The following RHOBTB1 variants were observed in gnomAD, a reference collection of about 807,000 sequenced individuals.
RHOBTB1 encodes the protein Rho related BTB domain containing 1, also known as rho-related BTB domain-containing protein 1.
Under a neutral mutation model 71.6 loss-of-function variants are expected in RHOBTB1, and 40 were observed. The observed-to-expected ratio is 0.56, with a 90% CI of 0.43 to 0.73. The LOEUF (loss-of-function observed/expected upper bound fraction) is 0.73, where lower values mean the gene tolerates loss of function less well. Ranked by LOEUF, RHOBTB1 falls within the 30% of genes least tolerant of loss-of-function variation. The pLI is 0.00. For synonymous variants in RHOBTB1, 319 were observed against 334.9 expected (o/e 0.95, Z 0.52); for missense variants, 797 against 894.0 (o/e 0.89, Z 1.38).
intron 2 of RHOBTB1, among the ~76,000 whole-genome samples, chr10:60,955,441 T>C (rs145734985): frequency 9.2e-5 from 14 of 152,286 alleles, no homozygotes; most frequent in African/African-American, 2.4e-4. Context: ...AAAAAAATGC[T>C]GTACAGACAT....
intron 4 of RHOBTB1, among the ~76,000 whole-genome samples, chr10:60,903,141 G>A (rs2082490382): frequency 6.6e-6 from 1 of 152,186 alleles, no homozygotes; most frequent in Admixed American, 6.5e-5. Flanking sequence ...AATTCTAGGA[G>A]TACGTGACAC....
At chr10:60,885,886 C>T (rs2081543901) in intron 7 of RHOBTB1, among the ~76,000 whole-genome samples, 1 of 152,096 alleles carries the variant, frequency 6.6e-6, no homozygotes, top group Non-Finnish European at 1.5e-5. Context: ...CACCAGTGAC[C>T]AATAAACAAT....
chr10:60,915,244 G>T (rs2083208655), intron 2 of RHOBTB1, among the ~76,000 whole-genome samples: 1 of 152,060 alleles, frequency 6.6e-6, no homozygotes, highest in African/African-American at 2.4e-5. Flanking sequence ...TTCATATCTA[G>T]CATTCTGATG....
intron 2 of RHOBTB1, among the ~76,000 whole-genome samples, chr10:60,957,184 G>A (rs367801922): frequency 1.1e-4 from 17 of 152,122 alleles, no homozygotes; most frequent in Admixed American, 3.3e-4. Flanking sequence ...ACAGGAGTAC[G>A]TTCTAAAATA....
intron 2 of RHOBTB1, among the ~76,000 whole-genome samples, chr10:60,963,170 A>G (rs2085843925): frequency 6.6e-6 from 1 of 152,152 alleles, no homozygotes; most frequent in African/African-American, 2.4e-5. Context: ...GAATGTTCTC[A>G]AAGCCACTCA....
At chr10:60,922,373 C>T (rs1030790153) in intron 2 of RHOBTB1, among the ~76,000 whole-genome samples, 11 of 152,182 alleles carry the variant, frequency 7.2e-5, no homozygotes, top group Admixed American at 7.2e-4. Context: ...GCCTTGAACC[C>T]TCCTTTACCA....
chr10:60,868,066 T>C (rs955949023), downstream of RHOBTB1, among the ~76,000 whole-genome samples: 10 of 152,216 alleles, frequency 6.6e-5, no homozygotes, highest in Admixed American at 5.2e-4. Context: ...CCTTCTTTTT[T>C]TCTTTCTTTC....
At chr10:60,959,292 G>T (rs559775384) in intron 2 of RHOBTB1, among the ~76,000 whole-genome samples, 6 of 152,134 alleles carry the variant, frequency 3.9e-5, no homozygotes, top group Admixed American at 3.9e-4. Flanking sequence ...CTTGGAAAAC[G>T]GACCTACAGT....
chr10:60,931,443 A>G (rs1000748088), intron 2 of RHOBTB1, among the ~76,000 whole-genome samples: 1 of 152,154 alleles, frequency 6.6e-6, no homozygotes, highest in Non-Finnish European at 1.5e-5. Flanking sequence ...TATGTGGCCT[A>G]TTGTGTCTGT....
intron 2 of RHOBTB1, among the ~76,000 whole-genome samples, chr10:60,957,764 T>C (rs769210807): frequency 1.3e-5 from 2 of 152,178 alleles, no homozygotes; most frequent in East Asian, 1.9e-4. Context: ...ATGATATTTA[T>C]TGAATGCTCA....
At chr10:60,970,112 C>T (rs1020699422) in intron 2 of RHOBTB1, among the ~76,000 whole-genome samples, 2 of 152,106 alleles carry the variant, frequency 1.3e-5, no homozygotes, top group African/African-American at 4.8e-5. Context: ...GTGGATGAAG[C>T]TTGCTGTCAT....
rs563633278 is a variant in RHOBTB1, at chr10:60,869,555, C to T, written c.*1927G>A. ...TGAACCAGCCACTTGGTTACAGTAG[C>T]TGATAACAACACTAGTGGATATTAT... On this transcript the variant is annotated 3_prime_UTR_variant, in exon 11 of 11. Coordinates refer to ENST00000337910, the MANE Select transcript of RHOBTB1 (RefSeq NM_014836.5). 1 of 152,736 alleles carries T rather than the reference C, an allele frequency of 6.5e-6. No individual in the cohort carries two copies. The highest frequency in any genetic ancestry group is 2.4e-5 in the African/African-American group (1 of 41,558). 9.5% of individuals were successfully genotyped at this position (152,736 alleles called of 1,614,324 possible). A position where few individuals can be genotyped will look rare whatever the true frequency, so the allele number is the denominator to read the frequency against.
At chr10:60,961,414 T>C (rs944859379) in intron 2 of RHOBTB1, among the ~76,000 whole-genome samples, 1 of 152,112 alleles carries the variant, frequency 6.6e-6, no homozygotes, top group African/African-American at 2.4e-5. Flanking sequence ...CACCGGTGCA[T>C]TAAGTATACT....
rs34658371 is a variant in RHOBTB1, at chr10:60,920,062, AG to A, written c.-10-8511del. Among the ~76,000 whole-genome samples the A allele has an allele frequency of 2.6e-3, 391 of 152,336 alleles. 1 individual carries two copies. Among genetic ancestry groups the A allele is most frequent in the Non-Finnish European group, 4.7e-3 (317 of 68,026 alleles). Reference sequence around the variant, plus strand: ...GTCTACTTTCTTCTACAAATACACCAGGGAACCTCTCCTTTGACAATTTGCC... The same window carrying A: ...GTCTACTTTCTTCTACAAATACACCAGGAACCTCTCCTTTGACAATTTGCC... On this transcript the variant is annotated intron_variant, in intron 2 of 10. Transcript: ENST00000337910.
chr10:60,866,492 T>C (rs1179551218), downstream of RHOBTB1, among the ~76,000 whole-genome samples: 1 of 152,082 alleles, frequency 6.6e-6, no homozygotes, highest in Non-Finnish European at 1.5e-5. Context: ...AGAGAAAATA[T>C]AAAAAGAGAG....
chr10:61,001,124 G>T (rs1021793287), intron 1 of RHOBTB1, among the ~76,000 whole-genome samples: 1 of 152,038 alleles, frequency 6.6e-6, no homozygotes, highest in Non-Finnish European at 1.5e-5. Context: ...GTAGGAGGCT[G>T]CTCAAGACAC....
chr10:60,943,911 C>T (rs146831242), intron 1 of RHOBTB1, 60 bp downstream of exon 1: 6,877 of 152,136 alleles, frequency 0.045, 265 homozygotes, highest in African/African-American at 0.099. Flanking sequence ...GCGGTGGGGG[C>T]TCCGCAGCGG....
chr10:60,867,573 A>T (rs547466097), downstream of RHOBTB1, among the ~76,000 whole-genome samples: 1 of 152,346 alleles, frequency 6.6e-6, no homozygotes, highest in African/African-American at 2.4e-5. Flanking sequence ...ATGCAACTGC[A>T]TGATCGCTTG....
chr10:60,955,345 AGGGGAACCTTCTTTAT>A (rs141327585), intron 2 of RHOBTB1, among the ~76,000 whole-genome samples: 3,001 of 152,226 alleles, frequency 0.02, 70 homozygotes, highest in African/African-American at 0.054. Context: ...CCAGCCAGCA[AGGGGAACCTTCTTTAT>A]GGTTTTAAAA....
Sources: gnomAD v4.1 joint callset for allele counts (sites outside exome capture counted in the v4.1 genomes callset) on GRCh38, gnomAD v4.1.1 for gene constraint, MANE v1.5 for transcripts, NCBI Gene and HGNC (gene_info 2026-07-23, HGNC 2026-07-21) for gene names.